CSTB: variants seen among roughly 807,000 people sequenced by gnomAD.
CSTB encodes the protein cystatin-B.
A neutral mutation model predicts 7.6 loss-of-function variants in CSTB; 8 were observed. That is an observed-to-expected ratio of 1.05 (90% CI 0.62 to 1.89). The LOEUF (loss-of-function observed/expected upper bound fraction) is 1.89. Ranked by LOEUF, CSTB falls within the 40% of genes most tolerant of loss-of-function variation. The pLI is 0.00. For missense variants in CSTB, 124 were observed against 126.4 expected (o/e 0.98, Z 0.09); for synonymous variants, 56 against 55.3 (o/e 1.01, Z -0.06).
At chr21:43,774,563 C>T (rs898362394) in intron 2 of CSTB, 95 bp downstream of exon 2, 66 of 1,211,766 alleles carry the variant, frequency 5.4e-5, no homozygotes, top group Non-Finnish European at 7.1e-5. Flanking sequence ...AGCCACAGGG[C>T]GCCCCAGCAC....
chr21:43,775,003 C>T, intron 1 of CSTB: 1 of 542,280 alleles, frequency 1.8e-6, no homozygotes, highest in East Asian at 3.3e-5. Context: ...GTGGGCGGAT[C>T]ACTTGAGGTC....
At chr21:43,776,052 C>T (rs893607840) in intron 1 of CSTB, 152 bp downstream of exon 1, 2 of 624,984 alleles carry the variant, frequency 3.2e-6, no homozygotes, top group African/African-American at 3.9e-5. Context: ...CGCGCAGCGC[C>T]CGAGCGGAGG....
rs2083999814 is a variant in CSTB at position 43,774,341 on chromosome 21, A to C, written c.169-11T>G. 1 of 1,614,112 alleles carries C rather than the reference A, an allele frequency of 6.2e-7. No individual in the cohort carries two copies. The highest frequency in any genetic ancestry group is 8.5e-7 in the Non-Finnish European group (1 of 1,180,030). Reference sequence around the variant, plus strand: ...GTCGCCGACGTGCACCTGGGAAGAGAGCGGAGTGAGCGAAGCCTCTGATCC... The same window carrying C: ...GTCGCCGACGTGCACCTGGGAAGAGCGCGGAGTGAGCGAAGCCTCTGATCC... On this transcript the variant is annotated splice_polypyrimidine_tract_variant and intron_variant, in intron 2 of 2. Coordinates refer to ENST00000291568, the MANE Select transcript of CSTB (RefSeq NM_000100.4).
intron 1 of CSTB, 109 bp downstream of exon 1, chr21:43,776,095 C>T: frequency 9.4e-7 from 1 of 1,069,142 alleles, no homozygotes; most frequent in Non-Finnish European, 1.3e-6. Context: ...CGGGCCAGCC[C>T]AGGGGTGCGC....
At chr21:43,776,095 CA>C in intron 1 of CSTB, 108 bp downstream of exon 1, 2 of 1,069,142 alleles carry the variant, frequency 1.9e-6, no homozygotes, top group Non-Finnish European at 2.7e-6. Context: ...CGGGCCAGCC[CA>C]GGGGTGCGCA....
Position 43,774,162 on chromosome 21 carries a change from T to C in CSTB, c.*40A>G. ...CGCTCTGGTAGACGGAGGATGACTT[T>C]GTCAGTCTTCTGGCTGAAGGGCCTT... is the stretch of plus-strand genomic sequence containing the variant. On this transcript the variant is annotated 3_prime_UTR_variant, in exon 3 of 3. Transcript: ENST00000291568. The C allele has an allele frequency of 6.2e-7, 1 of 1,614,036 alleles. No homozygotes were observed. The highest frequency in any genetic ancestry group is 8.5e-7 in the Non-Finnish European group (1 of 1,179,902).
intron 2 of CSTB, 117 bp from the exon 3 acceptor site, chr21:43,774,447 G>GTGAGGCATCC: frequency 6.6e-7 from 1 of 1,505,690 alleles, no homozygotes; most frequent in Non-Finnish European, 9.2e-7. Context: ...TGCAGGGGAT[G>GTGAGGCATCC]CCTCACATCC....
At chr21:43,775,027 C>T in intron 1 of CSTB, 1 of 496,730 alleles carries the variant, frequency 2.0e-6, no homozygotes, top group South Asian at 2.1e-5. Context: ...AGTTTGAGAC[C>T]AGCCTAGCCA....
rs759511758 is a variant in CSTB, at chr21:43,774,321, C to T, written c.178G>A (p.Gly60Ser). 19 of 1,614,194 alleles carry T rather than the reference C, an allele frequency of 1.2e-5. No homozygotes were observed. Among genetic ancestry groups the T allele is most frequent in the South Asian group, 2.2e-5 (2 of 91,090 alleles). Residue 60 changes from glycine to serine, a missense_variant, in exon 3 of 3, where the codon GGC becomes AGC. Coordinates refer to ENST00000291568, the MANE Select transcript of CSTB (RefSeq NM_000100.4). ...CGCAGGTGTACGAAGTCCTCGTCGC[C>T]GACGTGCACCTGGGAAGAGAGCGGA... ...GTNYFIKVHV[G>S]DEDFVHLRVF...
At chr21:43,774,456 C>G in intron 2 of CSTB, 126 bp from the exon 3 acceptor site, 1 of 1,463,248 alleles carries the variant, frequency 6.8e-7, no homozygotes, top group South Asian at 1.1e-5. Context: ...TGCCTCACAT[C>G]CCACACTTGT....
chr21:43,775,267 T>C, intron 1 of CSTB: 1 of 222,000 alleles, frequency 4.5e-6, no homozygotes, highest in Non-Finnish European at 9.2e-6. Context: ...CTGGACCTGT[T>C]CTTGCTTGGG....
intron 1 of CSTB, chr21:43,775,133 G>C (rs2084004073): frequency 2.9e-6 from 1 of 347,148 alleles, no homozygotes; most frequent in Admixed American, 4.1e-5. Context: ...TAAGGCAGGA[G>C]AATCCCTTGA....
chr21:43,774,924 G>A (rs1411941038), intron 1 of CSTB, 165 bp from the exon 2 acceptor site: 5 of 689,642 alleles, frequency 7.3e-6, no homozygotes, highest in Admixed American at 2.1e-5. Context: ...TAATAATAAA[G>A]TAGAAAAAAA....
At chr21:43,774,386 C>T in intron 2 of CSTB, 56 bp from the exon 3 acceptor site, 2 of 1,612,910 alleles carry the variant, frequency 1.2e-6, no homozygotes, top group South Asian at 2.2e-5. Flanking sequence ...TTGCTGCGCC[C>T]CTCCAGGTCA....
chr21:43,774,060 G>C lies in CSTB; in HGVS notation c.*142C>G. On this transcript the variant is annotated 3_prime_UTR_variant, in exon 3 of 3. Transcript: ENST00000291568. ...GAAATTTAGGAAGAGAAATGCAAAAGCAGCTGCAGAATCCTGCCCCTTCCA... is the reference window on the plus strand; with the variant it reads ...GAAATTTAGGAAGAGAAATGCAAAACCAGCTGCAGAATCCTGCCCCTTCCA... 1.0e-6 allele frequency: 1 copy of C among 958,160 alleles called. No individual in the cohort carries two copies. Among genetic ancestry groups the C allele is most frequent in the Non-Finnish European group, 1.6e-6 (1 of 606,788 alleles). The allele number at this position is 958,160 out of a possible 1,614,324, so 59.4% of individuals were successfully genotyped here. A position where few individuals can be genotyped will look rare whatever the true frequency, so the allele number is the denominator to read the frequency against.
chr21:43,776,086 G>T, intron 1 of CSTB, 118 bp downstream of exon 1: 1 of 964,036 alleles, frequency 1.0e-6, no homozygotes, highest in Non-Finnish European at 1.5e-6. Flanking sequence ...GCCACAGCCC[G>T]GGCCAGCCCA....
intron 1 of CSTB, 65 bp downstream of exon 1, chr21:43,776,139 G>A: frequency 1.4e-6 from 2 of 1,430,068 alleles, no homozygotes; most frequent in East Asian, 2.7e-5. Flanking sequence ...CGCTCCAGGA[G>A]CCGCGGCCGC....
Position 43,774,704 on chromosome 21 carries a change from AC to A in CSTB, c.121del (p.Val41CysfsTer40), listed in dbSNP as rs1257171692. The A allele has an allele frequency of 5.6e-6, 9 of 1,614,194 alleles. No individual in the cohort carries two copies. Among genetic ancestry groups the A allele is most frequent in the Non-Finnish European group, 7.6e-6 (9 of 1,180,038 alleles). ...CGCGACCACCTGGCTCTTGAATGAC[AC>A]GGCCTTAAACACAGGGAACTTCTTG... ...ENKKFPVFKAVSFKSQVVAGT... is the reference protein window; with the variant it reads ...ENKKFPVFKAXSFKSQVVAGT... On this transcript the variant is annotated frameshift_variant, in exon 2 of 3. Coordinates refer to ENST00000291568, the MANE Select transcript of CSTB (RefSeq NM_000100.4). LOFTEE classifies it low-confidence loss of function (END_TRUNC).
At chr21:43,775,206 G>A in intron 1 of CSTB, 1 of 269,374 alleles carries the variant, frequency 3.7e-6, no homozygotes. Context: ...CTGGGCAAGA[G>A]TGAGACTGAG....
Sources: allele counts gnomAD v4.1 joint callset, GRCh38; gene constraint gnomAD v4.1.1; transcripts MANE v1.5; gene names NCBI Gene and HGNC (gene_info 2026-07-23, HGNC 2026-07-21).